The following HAVCR1 variants were observed in gnomAD, a reference collection of about 807,000 sequenced individuals.
The protein encoded by HAVCR1 is T cell immunoglobin domain and mucin domain protein 1.
Under a neutral mutation model 32.0 loss-of-function variants are expected in HAVCR1, and 34 were observed. That is an observed-to-expected ratio of 1.06 (90% CI 0.81 to 1.42). The LOEUF is 1.42. Among genes scored for constraint, HAVCR1 ranks in the 40% most tolerant of loss-of-function variants. The pLI, the probability that HAVCR1 is intolerant of heterozygous loss-of-function variation, is 0.00. For missense variants in HAVCR1, 420 were observed against 442.3 expected, an observed-to-expected ratio of 0.95 and a Z score of 0.45; for synonymous variants, 178 against 170.3, an observed-to-expected ratio of 1.05 and a Z score of -0.35.
Position 157,057,886 on chromosome 5 carries a change from C to A in HAVCR1, c.46+12G>T. The A allele has an allele frequency of 6.2e-7, 1 of 1,608,864 alleles. No homozygotes were observed. The highest frequency in any genetic ancestry group is 8.5e-7 in the Non-Finnish European group (1 of 1,175,328). On this transcript the variant is annotated intron_variant, in intron 2 of 8. Transcript: ENST00000523175. ...ACTCCCTTCTTCCCGCCCAGGGCAC[C>A]TACTCACTTACCTGCCAGATGTAGG...
At chr5:157,050,549 ACCT>A (rs1755677982) in intron 4 of HAVCR1, among the ~76,000 whole-genome samples, 1 of 152,168 alleles carries the variant, frequency 6.6e-6, no homozygotes, top group South Asian at 2.1e-4. Context: ...GATAAGAATA[ACCT>A]CAAGTGATAC....
At chr5:157,043,707 T>A (rs1755058356) in intron 5 of HAVCR1, among the ~76,000 whole-genome samples, 1 of 152,140 alleles carries the variant, frequency 6.6e-6, no homozygotes, top group Admixed American at 6.5e-5. Flanking sequence ...TAGACAACTA[T>A]AGGTCAAATA....
intron 7 of HAVCR1, 130 bp from the exon 8 acceptor site, chr5:157,033,017 G>T: frequency 1.7e-6 from 1 of 598,156 alleles, no homozygotes; most frequent in Non-Finnish European, 2.9e-6. Context: ...ACCTTGAGGT[G>T]TCTCCTTCCC....
intron 5 of HAVCR1, among the ~76,000 whole-genome samples, chr5:157,047,052 A>G (rs145615359): frequency 1.3e-3 from 199 of 152,262 alleles, no homozygotes; most frequent in African/African-American, 4.7e-3. Context: ...TAACTCCCAT[A>G]TCCCTGATTA....
intron 8 of HAVCR1, among the ~76,000 whole-genome samples, chr5:157,030,153 G>T (rs1307434421): frequency 6.6e-6 from 1 of 152,090 alleles, no homozygotes; most frequent in African/African-American, 2.4e-5. Context: ...ACAGAGCTCT[G>T]ACATCAAACT....
At chr5:157,033,469 C>T (rs1754297205) in intron 7 of HAVCR1, among the ~76,000 whole-genome samples, 1 of 151,824 alleles carries the variant, frequency 6.6e-6, no homozygotes, top group African/African-American at 2.4e-5. Context: ...AAAGGGCTTT[C>T]TCTGAAGCTC....
At chr5:157,045,356 A>G (rs936705122) in intron 5 of HAVCR1, among the ~76,000 whole-genome samples, 5 of 152,200 alleles carry the variant, frequency 3.3e-5, no homozygotes, top group Admixed American at 2.6e-4. Context: ...ACAGCCCATC[A>G]AGTTGTTACA....
intron 8 of HAVCR1, 102 bp downstream of exon 8, chr5:157,032,752 C>A (rs1269381408): frequency 1.3e-6 from 1 of 749,622 alleles, no homozygotes; most frequent in African/African-American, 1.8e-5. Flanking sequence ...CTGTCAGGAT[C>A]CAAGGTATGC....
chr5:157,064,292 T>G, the HAVCR1 span, among the ~76,000 whole-genome samples: 1 of 144,508 alleles, frequency 6.9e-6, no homozygotes, highest in Admixed American at 7.1e-5. Context: ...GCGGGAGGAC[T>G]GCTTGAGCCC....
chr5:157,060,869 G>A (rs1756474421), upstream of HAVCR1, among the ~76,000 whole-genome samples: 1 of 151,598 alleles, frequency 6.6e-6, no homozygotes, highest in African/African-American at 2.4e-5. Context: ...TTGAGCACTT[G>A]AAATGTGGCT....
At chr5:157,058,011 T>A (rs1756327417) in intron 1 of HAVCR1, 56 bp from the exon 2 acceptor site, 1 of 1,214,608 alleles carries the variant, frequency 8.2e-7, no homozygotes, top group Non-Finnish European at 1.2e-6. Flanking sequence ...TGGTATCTGA[T>A]CAAGTCTTAA....
At chr5:157,044,472 G>GAAAGAAAGA (rs1561590439) in intron 5 of HAVCR1, among the ~76,000 whole-genome samples, 23 of 32,198 alleles carry the variant, frequency 7.1e-4, no homozygotes, top group African/African-American at 1.7e-3. Context: ...AGAAAGAAAG[G>GAAAGAAAGA]AAGGAAGGAA....
intron 4 of HAVCR1, among the ~76,000 whole-genome samples, chr5:157,051,389 A>G (rs7718094): frequency 0.033 from 4,972 of 152,226 alleles, 263 homozygotes; most frequent in African/African-American, 0.11. Context: ...TTTCAGTAAA[A>G]ATGTTAGATC....
intron 7 of HAVCR1, among the ~76,000 whole-genome samples, chr5:157,036,535 A>G (rs1754545854): frequency 6.6e-6 from 1 of 152,226 alleles, no homozygotes; most frequent in Non-Finnish European, 1.5e-5. Flanking sequence ...ATTGAAAAAT[A>G]ACAAGTTTAA....
At chr5:157,065,296 G>C in the HAVCR1 span, among the ~76,000 whole-genome samples, 1 of 130,452 alleles carries the variant, frequency 7.7e-6, no homozygotes, top group African/African-American at 2.8e-5. Flanking sequence ...GACAGAGCGA[G>C]ACTCCGCCTC....
intron 2 of HAVCR1, among the ~76,000 whole-genome samples, chr5:157,056,943 C>T (rs374621917): frequency 1.3e-5 from 2 of 152,048 alleles, no homozygotes; most frequent in African/African-American, 2.4e-5. Flanking sequence ...TGGTGGCTAA[C>T]GCCTATAATC....
chr5:157,049,782 AC>A (rs1035826130), intron 4 of HAVCR1, among the ~76,000 whole-genome samples: 16 of 152,102 alleles, frequency 1.1e-4, no homozygotes, highest in Admixed American at 2.0e-4. Context: ...GCAGGACCTG[AC>A]CCCAGCTCCT....
chr5:157,029,419 T>G lies in HAVCR1; in HGVS notation c.*314A>C. 1.7e-6 allele frequency: 1 copy of G among 595,276 alleles called. No homozygotes were observed. Among genetic ancestry groups the G allele is most frequent in the East Asian group, 2.8e-5 (1 of 36,146 alleles). 36.9% of individuals were successfully genotyped at this position (595,276 alleles called of 1,614,324 possible). On this transcript the variant is annotated 3_prime_UTR_variant, in exon 9 of 9. Transcript: ENST00000523175. Reference sequence around the variant, plus strand: ...GCTATGTTTCCAGGGACTATTCTCTTTGATGTATACAGGATTTATGGGGTC... The same window carrying G: ...GCTATGTTTCCAGGGACTATTCTCTGTGATGTATACAGGATTTATGGGGTC...
chr5:157,050,738 G>A (rs529349696), intron 4 of HAVCR1, among the ~76,000 whole-genome samples: 2 of 152,308 alleles, frequency 1.3e-5, no homozygotes, highest in Non-Finnish European at 2.9e-5. Context: ...CATTGAGAAA[G>A]TCTAACAGAC....
Sources: allele counts gnomAD v4.1 joint callset (sites outside exome capture counted in the v4.1 genomes callset), GRCh38; gene constraint gnomAD v4.1.1; transcripts MANE v1.5; gene names NCBI Gene and HGNC (gene_info 2026-07-23, HGNC 2026-07-21).